The following CLCN7 variants were observed in gnomAD, a reference collection of about 807,000 sequenced individuals.
The protein encoded by CLCN7 is H(+)/Cl(-) exchange transporter 7.
Under a neutral mutation model 102.1 loss-of-function variants are expected in CLCN7, and 60 were observed. That is an observed-to-expected ratio of 0.59 (90% CI 0.48 to 0.73). The LOEUF (loss-of-function observed/expected upper bound fraction) is 0.73. Among genes scored for constraint, CLCN7 ranks in the 30% least tolerant of loss-of-function variants. CLCN7 has a pLI of 0.00. For missense variants in CLCN7, 962 were observed against 1,125.7 expected, an observed-to-expected ratio of 0.85 and a Z score of 2.08; for synonymous variants, 560 against 490.5, an observed-to-expected ratio of 1.14 and a Z score of -1.87.
chr16:1,471,176 G>A (rs2039072663), intron 1 of CLCN7, among the ~76,000 whole-genome samples: 1 of 152,126 alleles, frequency 6.6e-6, no homozygotes, highest in Non-Finnish European at 1.5e-5. Context: ...CGGGCACCCA[G>A]CCTCCAACAA....
chr16:1,461,271 C>T, intron 4 of CLCN7, 134 bp downstream of exon 4: 1 of 836,910 alleles, frequency 1.2e-6, no homozygotes, highest in Non-Finnish European at 1.9e-6. Context: ...CCAGACGAAC[C>T]ACAGGCCTCA....
intron 21 of CLCN7, among the ~76,000 whole-genome samples, chr16:1,448,130 A>C (rs1285112183): frequency 2.0e-5 from 3 of 152,116 alleles, no homozygotes; most frequent in Non-Finnish European, 4.4e-5. Flanking sequence ...CTCTCAGCCC[A>C]GCCTGGGTGC....
In CLCN7 at chr16:1,446,332, T is replaced by G. The variant is rs538889913; in HGVS notation, c.*299A>C. On this transcript the variant is annotated 3_prime_UTR_variant, in exon 25 of 25. Transcript: ENST00000382745. ...CTGCCGCTGGCTCCCAAGAGGCCGA[T>G]AGCCCGGTAGGGAGGTCACACACAC... 1 of 701,766 alleles carries G rather than the reference T, an allele frequency of 1.4e-6. No individual in the cohort carries two copies. The highest frequency in any genetic ancestry group is 1.5e-5 in the South Asian group (1 of 67,564). The allele number at this position is 701,766 out of a possible 1,614,324, so 43.5% of individuals were successfully genotyped here.
intron 2 of CLCN7, 90 bp downstream of exon 2, chr16:1,465,177 C>G: frequency 7.6e-7 from 1 of 1,312,210 alleles, no homozygotes; most frequent in Non-Finnish European, 1.1e-6. Flanking sequence ...GCCCCACTAT[C>G]TCCCTGCCGC....
rs34252668 is a variant in CLCN7, at chr16:1,456,010, G to A, written c.916+103C>T. Reference sequence around the variant, plus strand: ...CCAAATGCCCCGGCCGTGACTCCAAGCCTCTGCCACCCTCAGCGGGCACTG... The same window carrying A: ...CCAAATGCCCCGGCCGTGACTCCAAACCTCTGCCACCCTCAGCGGGCACTG... On this transcript the variant is annotated intron_variant, in intron 10 of 24. Transcript: ENST00000382745. 0.089 allele frequency: 100,397 copies of A among 1,126,358 alleles called. 5,288 individuals are homozygous for A. Among genetic ancestry groups the A allele is most frequent in the Non-Finnish European group, 0.11 (83,613 of 778,732 alleles). The allele number at this position is 1,126,358 out of a possible 1,614,324, so 69.8% of individuals were successfully genotyped here.
chr16:1,459,866 A>G (rs2038904500), intron 6 of CLCN7, among the ~76,000 whole-genome samples: 1 of 120,910 alleles, frequency 8.3e-6, no homozygotes, highest in Non-Finnish European at 1.7e-5. Flanking sequence ...GGCCCCAGGG[A>G]AGGGGAGCTC....
rs1213940371 is a variant in CLCN7 at position 1,455,768 on chromosome 16, C to T, written c.944G>A (p.Gly315Asp). Residue 315 changes from glycine (G) to aspartate (D), a missense_variant, in exon 11 of 25, where the codon GGT (glycine) becomes GAT (aspartate). Gly to Asp is a moderately conservative substitution (Grantham distance 94, BLOSUM62 -1). Transcript: ENST00000382745. ...VGGVLFSLEE[G>D]ASFWNQFLTW... Reference sequence around the variant, plus strand: ...CAGGAACTGGTTCCAGAAGGACGCACCCTCCTCCAAGCTGAACAGGACCCC... The same window carrying T: ...CAGGAACTGGTTCCAGAAGGACGCATCCTCCTCCAAGCTGAACAGGACCCC... 1 of 1,613,726 alleles carries T rather than the reference C, an allele frequency of 6.2e-7. No individual in the cohort carries two copies. The highest frequency in any genetic ancestry group is 8.5e-7 in the Non-Finnish European group (1 of 1,180,020).
At position 1,469,743 on chromosome 16, in the gene CLCN7, C is replaced by T. The variant is rs148667635; in HGVS notation, c.142-4405G>A. On this transcript the variant is annotated intron_variant, in intron 1 of 24. Coordinates refer to ENST00000382745, the MANE Select transcript of CLCN7 (RefSeq NM_001287.6). ...ACCAAAAACAAACATAAAAAAGCAG[C>T]GTCTGAAAGTCCCACTTGCACGCCA... Among the ~76,000 whole-genome samples, 723 of 152,278 alleles carry T rather than the reference C, an allele frequency of 4.7e-3. 9 individuals carry two copies. The highest frequency in any genetic ancestry group is 0.016 in the African/African-American group (668 of 41,560).
rs1304068695 is a variant in CLCN7 at position 1,451,721 on chromosome 16, G to A, written c.1354-5C>T. On this transcript the variant is annotated splice_polypyrimidine_tract_variant and splice_region_variant and intron_variant, in intron 15 of 24. Transcript: ENST00000382745. Reference sequence around the variant, plus strand: ...CTCGCCATCTGCACAAAAGAGCTGTGGGGTCGGGAGAGAGCACACGTTGGG... The same window carrying A: ...CTCGCCATCTGCACAAAAGAGCTGTAGGGTCGGGAGAGAGCACACGTTGGG... The A allele has an allele frequency of 2.5e-6, 4 of 1,611,446 alleles. No individual in the cohort carries two copies. The highest frequency in any genetic ancestry group is 2.2e-5 in the East Asian group (1 of 44,854).
chr16:1,446,801 C>A, intron 24 of CLCN7, 84 bp from the exon 25 acceptor site: 1 of 1,289,262 alleles, frequency 7.8e-7, no homozygotes, highest in South Asian at 1.3e-5. Context: ...GTGGCTGGGG[C>A]AGCACAGGCA....
At chr16:1,450,427 T>A (rs1052723897) in intron 17 of CLCN7, 70 bp downstream of exon 17, 1 of 1,440,288 alleles carries the variant, frequency 6.9e-7, no homozygotes, top group Non-Finnish European at 9.5e-7. Context: ...GGACTTCTGC[T>A]CCGGCCCGCG....
At chr16:1,448,537 G>A in intron 20 of CLCN7, 53 bp from the exon 21 acceptor site, 3 of 1,603,748 alleles carry the variant, frequency 1.9e-6, no homozygotes, top group Non-Finnish European at 2.5e-6. Flanking sequence ...AACTCCCACA[G>A]TTACCTCTGC....
chr16:1,455,130 T>A lies in CLCN7; in HGVS notation c.1098+4A>T. 3 of 1,563,784 alleles carry A rather than the reference T, an allele frequency of 1.9e-6. No individual in the cohort carries two copies. Among genetic ancestry groups the A allele is most frequent in the Non-Finnish European group, 2.6e-6 (3 of 1,134,288 alleles). Reference sequence around the variant, plus strand: ...TGGGCGAGGTGGGCGATGGGGCAGGTTACCTCCGAGTCAAACCTTCCGAAG... The same window carrying A: ...TGGGCGAGGTGGGCGATGGGGCAGGATACCTCCGAGTCAAACCTTCCGAAG... On this transcript the variant is annotated splice_donor_region_variant and intron_variant, in intron 12 of 24. Coordinates refer to ENST00000382745, the MANE Select transcript of CLCN7 (RefSeq NM_001287.6).
chr16:1,451,249 C>G (rs938408880), intron 16 of CLCN7, among the ~76,000 whole-genome samples: 1 of 152,174 alleles, frequency 6.6e-6, no homozygotes, highest in Non-Finnish European at 1.5e-5. Context: ...GCTGTGTCAC[C>G]CAGGCTGGTA....
At chr16:1,454,015 T>C in intron 13 of CLCN7, 121 bp from the exon 14 acceptor site, 1 of 894,562 alleles carries the variant, frequency 1.1e-6, no homozygotes, top group Non-Finnish European at 1.8e-6. Context: ...GGCAGGGGGC[T>C]AGGGGGTCCT....
At chr16:1,460,742 C>T (rs1359587493) in intron 5 of CLCN7, 74 bp downstream of exon 5, 11 of 1,608,964 alleles carry the variant, frequency 6.8e-6, no homozygotes, top group Admixed American at 3.3e-5. Context: ...ACGCTGGGCT[C>T]AGGACTTCTG....
chr16:1,446,483 C>T lies in CLCN7; in HGVS notation c.*148G>A, dbSNP rs934499974. The T allele has an allele frequency of 2.8e-5, 21 of 760,780 alleles. No individual in the cohort carries two copies. The highest frequency in any genetic ancestry group is 2.2e-4 in the Middle Eastern group (1 of 4,508). 47.1% of individuals were successfully genotyped at this position (760,780 alleles called of 1,614,324 possible). A position where few individuals can be genotyped will look rare whatever the true frequency, so the allele number is the denominator to read the frequency against. On this transcript the variant is annotated 3_prime_UTR_variant, in exon 25 of 25. Coordinates refer to ENST00000382745, the MANE Select transcript of CLCN7 (RefSeq NM_001287.6). ...CAGTCCCGCGAGAGGGTCAGTTCCG[C>T]GCCTGCCGCCTGCCCGCCCAGCTGC...
Position 1,461,621 on chromosome 16 carries a change from G to A in CLCN7, c.267C>T (p.Leu89=). 6.2e-7 allele frequency: 1 copy of A among 1,614,154 alleles called. No homozygotes were observed. Among genetic ancestry groups the A allele is most frequent in the Non-Finnish European group, 8.5e-7 (1 of 1,180,032 alleles). ...CGCCCACCTCATACTTGAGGGACAG[G>A]AGCTTCTCGTTGTGTGGGATCTCCT... is the stretch of plus-strand genomic sequence containing the variant. The part of the protein sequence containing the change: ...FPKEIPHNEK[L]LSLKYESLDY... Residue 89 remains leucine (L), a synonymous_variant, in exon 3 of 25, where the codon CTC becomes CTT. Coordinates refer to ENST00000382745, the MANE Select transcript of CLCN7 (RefSeq NM_001287.6).
rs370109321 is a variant in CLCN7, at chr16:1,448,447, G to A, written c.1921C>T (p.Arg641Cys). ...MSTPVTCLRRREKVGVIVDVL... is the reference protein window; with the variant it reads ...MSTPVTCLRRCEKVGVIVDVL... The stretch of plus-strand genomic sequence containing the variant: ...TCCACAATGACGCCGACCTTCTCAC[G>A]CCGCCTCAGGCAGGTCACTGGTGTG... Residue 641 changes from arginine (R) to cysteine (C), a missense_variant, in exon 21 of 25, where the codon CGT becomes TGT. Coordinates refer to ENST00000382745, the MANE Select transcript of CLCN7 (RefSeq NM_001287.6). The A allele has an allele frequency of 7.4e-6, 12 of 1,611,456 alleles. No individual in the cohort carries two copies. The highest frequency in any genetic ancestry group is 5.3e-5 in the African/African-American group (4 of 74,916).
Sources: allele counts gnomAD v4.1 joint callset (sites outside exome capture counted in the v4.1 genomes callset), GRCh38; gene constraint gnomAD v4.1.1; transcripts MANE v1.5; gene names NCBI Gene and HGNC (gene_info 2026-07-23, HGNC 2026-07-21).